Variants in PPP1R14C observed in about 807,000 individuals in gnomAD.
PPP1R14C encodes protein phosphatase 1 regulatory subunit 14C.
PPP1R14C carries 16 observed loss-of-function variants against 20.4 expected under a neutral mutation model. That is an observed-to-expected ratio of 0.78 (90% CI 0.53 to 1.19). PPP1R14C has a LOEUF of 1.19. Ranked by LOEUF, PPP1R14C falls within the 50% of genes most tolerant of loss-of-function variation. PPP1R14C has a pLI of 0.00. For synonymous variants in PPP1R14C, 91 were observed against 91.0 expected (o/e 1.00, Z 0.00); for missense variants, 211 against 220.1 (o/e 0.96, Z 0.26).
chr6:150,176,275 G>A (rs1777561817), intron 1 of PPP1R14C, among the ~76,000 whole-genome samples: 1 of 152,234 alleles, frequency 6.6e-6, no homozygotes, highest in South Asian at 2.1e-4. Context: ...CTCAACGGGA[G>A]TGCCCGTGGC....
chr6:150,245,195 G>C lies in PPP1R14C; in HGVS notation c.424-3551G>C, dbSNP rs566266718. Among the ~76,000 whole-genome samples, 100 of 152,280 alleles carry C rather than the reference G, an allele frequency of 6.6e-4. 1 individual carries two copies. The highest frequency in any genetic ancestry group is 2.3e-3 in the African/African-American group (95 of 41,556). ...GCTCTGCCTCCTAAATGGGTCCCGGGTCTACCCACTTGTTTCCATCTGGGT... is the reference window on the plus strand; with the variant it reads ...GCTCTGCCTCCTAAATGGGTCCCGGCTCTACCCACTTGTTTCCATCTGGGT... On this transcript the variant is annotated intron_variant, in intron 3 of 3. Coordinates refer to ENST00000361131, the MANE Select transcript of PPP1R14C (RefSeq NM_030949.3).
intron 1 of PPP1R14C, among the ~76,000 whole-genome samples, chr6:150,168,854 TATC>T (rs1355829035): frequency 2.6e-5 from 4 of 152,226 alleles, no homozygotes; most frequent in African/African-American, 4.8e-5. Context: ...TCAAAAATAT[TATC>T]ATTTTAACAT....
intron 1 of PPP1R14C, among the ~76,000 whole-genome samples, chr6:150,205,749 A>C (rs9479943): frequency 6.7e-6 from 1 of 150,070 alleles, no homozygotes; most frequent in Non-Finnish European, 1.5e-5. Context: ...CCGAGATAGC[A>C]CCACTACACT....
intron 1 of PPP1R14C, among the ~76,000 whole-genome samples, chr6:150,147,810 T>C (rs1272225725): frequency 6.6e-6 from 1 of 152,196 alleles, no homozygotes; most frequent in East Asian, 1.9e-4. Flanking sequence ...TTATTATACC[T>C]TTCAGTCTTC....
intron 1 of PPP1R14C, among the ~76,000 whole-genome samples, chr6:150,210,177 T>A (rs1159239448): frequency 6.6e-6 from 1 of 152,060 alleles, no homozygotes; most frequent in Non-Finnish European, 1.5e-5. Context: ...CAATGCGGAG[T>A]CCCACTGCTG....
At position 150,170,288 on chromosome 6, in the gene PPP1R14C, C is replaced by T. The variant is rs142626356; in HGVS notation, c.306+26790C>T. On this transcript the variant is annotated intron_variant, in intron 1 of 3. Transcript: ENST00000361131. The stretch of plus-strand genomic sequence containing the variant: ...TGATGAGAACTGAATTCAACACATA[C>T]TCATTACACTTTTGTCATGTGCTAG... 5.2e-3 allele frequency among the ~76,000 whole-genome samples: 787 copies of T among 151,342 alleles called. 3 individuals carry two copies. The highest frequency in any genetic ancestry group is 8.8e-3 in the Non-Finnish European group (598 of 67,876).
Position 150,241,283 on chromosome 6 carries a change from C to T in PPP1R14C, c.424-7463C>T, listed in dbSNP as rs191525800. ...CTGGGAGAGGGGCCCAGAGAGGGCA[C>T]GAGAGCTCCATGCTCCTTCCCTCAA... On this transcript the variant is annotated intron_variant, in intron 3 of 3. Transcript: ENST00000361131. 3.4e-3 allele frequency among the ~76,000 whole-genome samples: 514 copies of T among 152,308 alleles called. 2 individuals are homozygous for T. The highest frequency in any genetic ancestry group is 0.011 in the African/African-American group (458 of 41,552).
At chr6:150,227,634 C>A (rs991723227) in intron 3 of PPP1R14C, among the ~76,000 whole-genome samples, 12 of 152,154 alleles carry the variant, frequency 7.9e-5, no homozygotes, top group African/African-American at 2.9e-4. Context: ...AAAAAGACGG[C>A]AATCTTGGGC....
chr6:150,166,813 T>C (rs1322135321), intron 1 of PPP1R14C, among the ~76,000 whole-genome samples: 1 of 152,232 alleles, frequency 6.6e-6, no homozygotes, highest in Admixed American at 6.5e-5. Context: ...GTTAATATCA[T>C]GTCCAATTTC....
intron 1 of PPP1R14C, among the ~76,000 whole-genome samples, chr6:150,186,410 T>C (rs1282535432): frequency 6.6e-6 from 1 of 152,152 alleles, no homozygotes; most frequent in East Asian, 1.9e-4. Context: ...ACTCAGTTAT[T>C]CCACTGGGCT....
Position 150,143,364 on chromosome 6 carries a change from C to A in PPP1R14C, c.172C>A (p.Gln58Lys), listed in dbSNP as rs1777145199. 2.5e-6 allele frequency: 4 copies of A among 1,609,978 alleles called. No homozygotes were observed. Among genetic ancestry groups the A allele is most frequent in the Non-Finnish European group, 2.5e-6 (3 of 1,178,882 alleles). The change falls in exon 1 of 4, where the codon CAG becomes AAG. Residue 58 changes from glutamine (Q) to lysine (K), a missense_variant. Transcript: ENST00000361131. This position sits in a 1 kb window ranked among gnomAD's most constrained non-coding sequence, Gnocchi z 5.6. ...CGTGGCCACGGCGGCCGCTGCAGGG[C>A]AGGTTCAGCAGCAACAGCAGCGGCG... ...APVATAAAAG[Q>K]VQQQQQRRHQ...
intron 1 of PPP1R14C, among the ~76,000 whole-genome samples, chr6:150,155,657 T>A (rs1405979089): frequency 6.6e-6 from 1 of 152,148 alleles, no homozygotes; most frequent in African/African-American, 2.4e-5. Flanking sequence ...ATGCTTCATC[T>A]TAGTTGAACA....
intron 2 of PPP1R14C, among the ~76,000 whole-genome samples, chr6:150,216,371 C>T (rs542477665): frequency 6.6e-6 from 1 of 152,224 alleles, no homozygotes; most frequent in East Asian, 1.9e-4. Flanking sequence ...TGGTGCACAC[C>T]TGTAGTCCCA....
chr6:150,145,400 A>G (rs982854530), intron 1 of PPP1R14C, among the ~76,000 whole-genome samples: 6 of 152,214 alleles, frequency 3.9e-5, no homozygotes, highest in Admixed American at 6.5e-5. Flanking sequence ...CATGTCATTA[A>G]CGTGGCAAGT....
chr6:150,173,183 A>G (rs879648138), intron 1 of PPP1R14C, among the ~76,000 whole-genome samples: 1 of 152,066 alleles, frequency 6.6e-6, no homozygotes, highest in Non-Finnish European at 1.5e-5. Context: ...GCTAATGACA[A>G]TCTTTATTGA....
At chr6:150,169,463 A>G (rs929716861) in intron 1 of PPP1R14C, among the ~76,000 whole-genome samples, 5 of 152,174 alleles carry the variant, frequency 3.3e-5, no homozygotes, top group African/African-American at 1.2e-4. Context: ...CCAATATCCA[A>G]CTATGTTGGA....
At chr6:150,190,258 T>A (rs993586370) in intron 1 of PPP1R14C, among the ~76,000 whole-genome samples, 3 of 152,086 alleles carry the variant, frequency 2.0e-5, no homozygotes, top group Non-Finnish European at 4.4e-5. Flanking sequence ...TGTCTCCACC[T>A]GAACACTTAG....
intron 1 of PPP1R14C, among the ~76,000 whole-genome samples, chr6:150,169,524 T>C (rs1056477764): frequency 2.6e-5 from 4 of 152,186 alleles, no homozygotes; most frequent in African/African-American, 9.7e-5. Flanking sequence ...CAAACTGCTG[T>C]TAAAAGGTTG....
chr6:150,146,851 G>A (rs1777185267), intron 1 of PPP1R14C, among the ~76,000 whole-genome samples: 1 of 152,222 alleles, frequency 6.6e-6, no homozygotes, highest in African/African-American at 2.4e-5. Context: ...CAGGAAGACA[G>A]GTTATGGCAG....
Sources: gnomAD v4.1 joint callset for allele counts (sites outside exome capture counted in the v4.1 genomes callset) on GRCh38, gnomAD v4.1.1 for gene constraint, Gnocchi (gnomAD v3.1) non-coding constraint, MANE v1.5 for transcripts, NCBI Gene and HGNC (gene_info 2026-07-23, HGNC 2026-07-21) for gene names.